Variants in BBS4 observed in about 807,000 individuals in gnomAD.
BBS4 encodes the protein BBSome complex member BBS4.
In BBS4, 58 loss-of-function variants were observed where a neutral mutation model predicts 71.4. The observed-to-expected ratio is 0.81, with a 90% CI of 0.66 to 1.01. The LOEUF is 1.01. Ranked by LOEUF, BBS4 falls within the 50% of genes least tolerant of loss-of-function variation. The probability of loss-of-function intolerance (pLI) is 0.00; values close to 1 mark genes in which losing one functional copy is unlikely to be tolerated. For missense variants in BBS4, 660 were observed against 607.9 expected, an observed-to-expected ratio of 1.09 and a Z score of -0.90; for synonymous variants, 228 against 216.8, an observed-to-expected ratio of 1.05 and a Z score of -0.46.
At chr15:72,690,963 G>A (rs2064972547) in intron 1 of BBS4, among the ~76,000 whole-genome samples, 2 of 152,244 alleles carry the variant, frequency 1.3e-5, no homozygotes, top group South Asian at 2.1e-4. Flanking sequence ...CATGAATAAT[G>A]ATATTGAAGA....
At chr15:72,702,333 T>C (rs559718897) in intron 2 of BBS4, among the ~76,000 whole-genome samples, 1 of 152,244 alleles carries the variant, frequency 6.6e-6, no homozygotes, top group African/African-American at 2.4e-5. Context: ...TTACTTAACC[T>C]TTAGGGCCTT....
intron 1 of BBS4, among the ~76,000 whole-genome samples, chr15:72,690,308 A>G (rs1005661117): frequency 6.6e-5 from 10 of 152,198 alleles, no homozygotes; most frequent in Non-Finnish European, 1.2e-4. Context: ...AAAACTATAT[A>G]AAAATGAAGA....
At chr15:72,693,978 G>T (rs1159085153) in intron 1 of BBS4, among the ~76,000 whole-genome samples, 2 of 151,780 alleles carry the variant, frequency 1.3e-5, no homozygotes, top group African/African-American at 4.8e-5. Flanking sequence ...TCTGCCTTCT[G>T]GGTTCAAGCG....
intron 1 of BBS4, among the ~76,000 whole-genome samples, chr15:72,694,655 A>AT (rs1311728195): frequency 6.6e-6 from 1 of 152,084 alleles, no homozygotes; most frequent in East Asian, 1.9e-4. Context: ...TTGAGCCATT[A>AT]TTTTTGCTTA....
chr15:72,691,644 G>A (rs1192701661), intron 1 of BBS4, among the ~76,000 whole-genome samples: 4 of 152,044 alleles, frequency 2.6e-5, no homozygotes, highest in East Asian at 1.9e-4. Flanking sequence ...GATGGAGATC[G>A]GGATTATTTC....
At chr15:72,709,214 G>T (rs2065320721) in intron 2 of BBS4, among the ~76,000 whole-genome samples, 1 of 152,184 alleles carries the variant, frequency 6.6e-6, no homozygotes, top group African/African-American at 2.4e-5. Flanking sequence ...ACCGATATAT[G>T]TGAGGCCCAG....
chr15:72,716,833 C>G lies in BBS4; in HGVS notation c.388C>G (p.Leu130Val), dbSNP rs2065476091. 1 of 1,610,118 alleles carries G rather than the reference C, an allele frequency of 6.2e-7. No individual in the cohort carries two copies. The highest frequency in any genetic ancestry group is 1.1e-5 in the South Asian group (1 of 90,600). The stretch of plus-strand genomic sequence containing the variant: ...TGAAGTATATAATGAAGCAGCTAAA[C>G]TCAACCAGAAAGATTGGGTAAGTAG... ...AIEVYNEAAKLNQKDWEISHN... is the reference protein window; with the variant it reads ...AIEVYNEAAKVNQKDWEISHN... The change falls in exon 6 of 16, where the codon CTC becomes GTC. Residue 130 changes from leucine (L) to valine (V), a missense_variant. By Grantham distance (32) the Leu-to-Val change is conservative (BLOSUM62 1). Transcript: ENST00000268057.
chr15:72,723,922 G>C (rs750421826), intron 7 of BBS4, among the ~76,000 whole-genome samples: 9 of 152,146 alleles, frequency 5.9e-5, no homozygotes, highest in Non-Finnish European at 1.2e-4. Flanking sequence ...CAGCTAACAG[G>C]CTAGGCAAAT....
At chr15:72,717,880 ACT>A (rs2065494904) in intron 6 of BBS4, among the ~76,000 whole-genome samples, 3 of 151,772 alleles carry the variant, frequency 2.0e-5, no homozygotes, top group African/African-American at 7.3e-5. Flanking sequence ...ACAGAGGCTC[ACT>A]CTGTTGCCCA....
At chr15:72,712,576 G>A (rs1460195731) in intron 4 of BBS4, among the ~76,000 whole-genome samples, 3 of 152,242 alleles carry the variant, frequency 2.0e-5, no homozygotes, top group Non-Finnish European at 4.4e-5. Flanking sequence ...ATGAGCAGGT[G>A]TTATACCGAA....
chr15:72,737,366 T>G (rs974851512), intron 15 of BBS4, 112 bp from the exon 16 acceptor site: 24 of 899,904 alleles, frequency 2.7e-5, no homozygotes, highest in Middle Eastern at 2.1e-4. Flanking sequence ...AATGGGTCAG[T>G]CCCACTGGTT....
In BBS4 at chr15:72,712,279, A is replaced by T. The variant is rs1342045725; in HGVS notation, c.192A>T (p.Gly64=). The change falls in exon 4 of 16, where the codon GGA becomes GGT. Residue 64 remains glycine (G), a synonymous_variant. Coordinates refer to ENST00000268057, the MANE Select transcript of BBS4 (RefSeq NM_033028.5). Reference sequence around the variant, plus strand: ...AAGAACAGCTTCAAGAGACTCAGGGATTGTGTGAATATGCTATCTATGTCC... The same window carrying T: ...AAGAACAGCTTCAAGAGACTCAGGGTTTGTGTGAATATGCTATCTATGTCC... The part of the protein sequence containing the change: ...VIKEQLQETQ[G]LCEYAIYVQA... 3.7e-6 allele frequency: 6 copies of T among 1,613,962 alleles called. No homozygotes were observed. Among genetic ancestry groups the T allele is most frequent in the Non-Finnish European group, 5.1e-6 (6 of 1,179,964 alleles).
At chr15:72,716,728 G>A in intron 5 of BBS4, 50 bp from the exon 6 acceptor site, 1 of 1,327,532 alleles carries the variant, frequency 7.5e-7, no homozygotes, top group Non-Finnish European at 1.1e-6. Context: ...AGTAGGGTTA[G>A]TCTTCTAAGA....
chr15:72,729,186 T>TTTTA (rs1555501306), intron 9 of BBS4, among the ~76,000 whole-genome samples: 4 of 61,654 alleles, frequency 6.5e-5, no homozygotes, highest in Non-Finnish European at 1.4e-4. Flanking sequence ...TTTTTTTTTT[T>TTTTA]AAAGTCAAGA....
In BBS4 at chr15:72,727,965, C is replaced by T; in HGVS notation, c.613C>T (p.Leu205Phe). Reference sequence around the variant, plus strand: ...GTTCTCACCAGAAAATACAGAGCTTCTTACAACTTTAGGATTACTCTACTT... The same window carrying T: ...GTTCTCACCAGAAAATACAGAGCTTTTTACAACTTTAGGATTACTCTACTT... Reference protein sequence around the residue: ...VEFSPENTELLTTLGLLYLQL... With the variant: ...VEFSPENTELFTTLGLLYLQL... Residue 205 changes from leucine (L) to phenylalanine (F), a missense_variant, in exon 9 of 16, where the codon CTT becomes TTT. Physicochemically the swap from Leu to Phe is conservative, Grantham distance 22. Transcript: ENST00000268057. 6.2e-7 allele frequency: 1 copy of T among 1,612,926 alleles called. No homozygotes were observed. The highest frequency in any genetic ancestry group is 8.5e-7 in the Non-Finnish European group (1 of 1,178,938).
intron 15 of BBS4, 193 bp downstream of exon 15, chr15:72,737,156 A>G: frequency 3.0e-6 from 2 of 673,448 alleles, no homozygotes; most frequent in East Asian, 2.7e-5. Context: ...GTAGTAGGTA[A>G]CAGCTACTCA....
chr15:72,730,924 G>T (rs1055957288), intron 10 of BBS4, among the ~76,000 whole-genome samples: 1 of 152,216 alleles, frequency 6.6e-6, no homozygotes, highest in South Asian at 2.1e-4. Flanking sequence ...CAGGTATCTA[G>T]AACACTTGGT....
At chr15:72,704,248 C>A (rs1263697042) in intron 2 of BBS4, among the ~76,000 whole-genome samples, 7 of 152,098 alleles carry the variant, frequency 4.6e-5, no homozygotes, top group African/African-American at 1.4e-4. Flanking sequence ...GCTACCTGAC[C>A]TCTGTGGTAA....
At chr15:72,731,801 C>G (rs1476194025) in intron 12 of BBS4, 75 bp downstream of exon 12, 2 of 1,563,538 alleles carry the variant, frequency 1.3e-6, no homozygotes, top group Non-Finnish European at 1.8e-6. Flanking sequence ...CATAGAAGAT[C>G]AGTGGCTGTC....
Sources: gnomAD v4.1 joint callset for allele counts (sites outside exome capture counted in the v4.1 genomes callset) on GRCh38, gnomAD v4.1.1 for gene constraint, MANE v1.5 for transcripts, NCBI Gene and HGNC (gene_info 2026-07-23, HGNC 2026-07-21) for gene names.